Variants in NAA11 observed in about 807,000 individuals in gnomAD.
NAA11 encodes N-alpha-acetyltransferase 11.
A neutral mutation model predicts 16.1 loss-of-function variants in NAA11; 15 were observed. The ratio of observed to expected loss-of-function variants is 0.93; its 90% CI spans 0.62 to 1.44. The LOEUF is 1.44. NAA11 is among the 40% of genes most tolerant of loss of function. The pLI, the probability that NAA11 is intolerant of heterozygous loss-of-function variation, is 0.00. For synonymous variants in NAA11, 122 were observed against 112.4 expected (o/e 1.09, Z -0.54); for missense variants, 298 against 291.3 (o/e 1.02, Z -0.17).
chr4:79,264,718 C>T (rs1355669572), intron 2 of NAA11, among the ~76,000 whole-genome samples: 2 of 152,190 alleles, frequency 1.3e-5, no homozygotes, highest in Non-Finnish European at 2.9e-5. Flanking sequence ...TTCCTTGCCA[C>T]ACTGGGCACT....
chr4:79,182,256 A>G, the NAA11 span, among the ~76,000 whole-genome samples: 1 of 152,190 alleles, frequency 6.6e-6, no homozygotes, highest in African/African-American at 2.4e-5. Flanking sequence ...TTTATCTTTA[A>G]CGTATTAAAA....
chr4:79,306,227 T>C (rs2110006919), intron 1 of NAA11, among the ~76,000 whole-genome samples: 1 of 152,332 alleles, frequency 6.6e-6, no homozygotes, highest in South Asian at 2.1e-4. Flanking sequence ...CTGTATTGCA[T>C]TAGCTTGTAA....
chr4:79,282,107 GCAGGGGGAC>G, intron 2 of NAA11, among the ~76,000 whole-genome samples: 1 of 152,176 alleles, frequency 6.6e-6, no homozygotes, highest in South Asian at 2.1e-4. Flanking sequence ...AAGTGTCCTG[GCAGGGGGAC>G]CAGCAAACAC....
chr4:79,187,998 C>CAAAAA, the NAA11 span, among the ~76,000 whole-genome samples: 7 of 74,210 alleles, frequency 9.4e-5, no homozygotes, highest in African/African-American at 2.4e-4. Flanking sequence ...GACTCCGTCT[C>CAAAAA]AAAAAAAAAA....
chr4:79,161,979 C>A, the NAA11 span, among the ~76,000 whole-genome samples: 8 of 152,324 alleles, frequency 5.3e-5, no homozygotes, highest in East Asian at 1.9e-4. Context: ...CCACACCCGG[C>A]CTACTTAGTT....
At chr4:79,234,919 C>T (rs1002333710) in intron 2 of NAA11, among the ~76,000 whole-genome samples, 2 of 152,004 alleles carry the variant, frequency 1.3e-5, no homozygotes, top group Non-Finnish European at 2.9e-5. Context: ...ATTTTTATCC[C>T]AATTTCCTAA....
At chr4:79,200,947 T>C in the NAA11 span, among the ~76,000 whole-genome samples, 1 of 151,636 alleles carries the variant, frequency 6.6e-6, no homozygotes, top group African/African-American at 2.4e-5. Flanking sequence ...ATAAGCCATA[T>C]ATATTATACA....
chr4:79,156,615 T>C, the NAA11 span, among the ~76,000 whole-genome samples: 6 of 152,074 alleles, frequency 3.9e-5, no homozygotes, highest in African/African-American at 1.4e-4. Flanking sequence ...TTACTCAGAG[T>C]TCACCAATTT....
At chr4:79,303,260 TTTTC>T (rs777313106) in intron 1 of NAA11, among the ~76,000 whole-genome samples, 1 of 151,676 alleles carries the variant, frequency 6.6e-6, no homozygotes, top group Non-Finnish European at 1.5e-5. Flanking sequence ...AGACACTCAC[TTTTC>T]TTTATTTTCA....
chr4:79,224,879 AT>A (rs2109951305), downstream of NAA11, among the ~76,000 whole-genome samples: 1 of 152,246 alleles, frequency 6.6e-6, no homozygotes, highest in South Asian at 2.1e-4. Context: ...CATGCAAAAA[AT>A]ATCAGACAAA....
the NAA11 span, among the ~76,000 whole-genome samples, chr4:79,206,754 G>A: frequency 6.6e-6 from 1 of 152,134 alleles, no homozygotes; most frequent in African/African-American, 2.4e-5. Flanking sequence ...ACAGCAATAA[G>A]GTAGATGCGT....
chr4:79,165,904 G>A, the NAA11 span, among the ~76,000 whole-genome samples: 5 of 152,200 alleles, frequency 3.3e-5, no homozygotes, highest in Non-Finnish European at 5.9e-5. Context: ...CTAAAAGTAA[G>A]TGGTAACTTG....
At chr4:79,251,359 C>A (rs553052597) in intron 2 of NAA11, among the ~76,000 whole-genome samples, 1 of 152,292 alleles carries the variant, frequency 6.6e-6, no homozygotes, top group African/African-American at 2.4e-5. Flanking sequence ...TTAGCCCAAG[C>A]AAACTAACAC....
At chr4:79,243,008 T>C (rs990017648) in intron 2 of NAA11, among the ~76,000 whole-genome samples, 1 of 152,354 alleles carries the variant, frequency 6.6e-6, no homozygotes, top group Non-Finnish European at 1.5e-5. Flanking sequence ...GGATCTCCTC[T>C]AGTCATGAAC....
chr4:79,163,043 T>C, the NAA11 span, among the ~76,000 whole-genome samples: 2 of 152,204 alleles, frequency 1.3e-5, no homozygotes, highest in African/African-American at 4.8e-5. Context: ...ATGCAGCTAA[T>C]ATAAGTGGTA....
chr4:79,177,339 G>A, the NAA11 span, among the ~76,000 whole-genome samples: 1 of 151,582 alleles, frequency 6.6e-6, no homozygotes, highest in East Asian at 1.9e-4. Flanking sequence ...GTTAACTTCT[G>A]GGCTTCCTCC....
intron 1 of NAA11, among the ~76,000 whole-genome samples, chr4:79,297,297 C>G (rs1366734895): frequency 6.6e-6 from 1 of 152,194 alleles, no homozygotes; most frequent in African/African-American, 2.4e-5. Context: ...GCTGAGCCAC[C>G]CACTGGATGG....
chr4:79,213,701 G>A, the NAA11 span, among the ~76,000 whole-genome samples: 16 of 152,200 alleles, frequency 1.1e-4, no homozygotes, highest in Admixed American at 7.9e-4. Flanking sequence ...ACAAAATCCA[G>A]CTATTTATTT....
chr4:79,193,104 A>T, the NAA11 span, among the ~76,000 whole-genome samples: 1 of 151,496 alleles, frequency 6.6e-6, no homozygotes, highest in Non-Finnish European at 1.5e-5. Flanking sequence ...GTTTGAGTTC[A>T]TTGTAGATTC....
Sources: gnomAD v4.1 joint callset for allele counts (sites outside exome capture counted in the v4.1 genomes callset) on GRCh38, gnomAD v4.1.1 for gene constraint, MANE v1.5 for transcripts, NCBI Gene and HGNC (gene_info 2026-07-23, HGNC 2026-07-21) for gene names.